The following ELOVL6 variants were observed in gnomAD, a reference collection of about 807,000 sequenced individuals.
The protein encoded by ELOVL6 is ELOVL fatty acid elongase 6.
Under a neutral mutation model 31.7 loss-of-function variants are expected in ELOVL6, and 8 were observed. The observed-to-expected ratio is 0.25, with a 90% CI of 0.15 to 0.45. The LOEUF is 0.45. Among genes scored for constraint, ELOVL6 ranks in the 20% least tolerant of loss-of-function variants. The probability of loss-of-function intolerance (pLI) is 1.00; values close to 1 mark genes in which losing one functional copy is unlikely to be tolerated. For missense variants in ELOVL6, 126 were observed against 326.4 expected, an observed-to-expected ratio of 0.39 and a Z score of 4.73; for synonymous variants, 101 against 117.7, an observed-to-expected ratio of 0.86 and a Z score of 0.92.
chr4:110,152,398 C>T (rs1406956398), intron 1 of ELOVL6, among the ~76,000 whole-genome samples: 2 of 152,112 alleles, frequency 1.3e-5, no homozygotes, highest in Non-Finnish European at 2.9e-5. Context: ...ATTATAAAAC[C>T]TTTACTTTCC....
chr4:110,191,097 G>A (rs1578292496), intron 1 of ELOVL6, among the ~76,000 whole-genome samples: 1 of 152,118 alleles, frequency 6.6e-6, no homozygotes, highest in East Asian at 1.9e-4. Context: ...GGGATTACAG[G>A]TGTGAGCCAC....
chr4:110,076,281 T>C (rs1315822632), intron 2 of ELOVL6, among the ~76,000 whole-genome samples: 2 of 152,144 alleles, frequency 1.3e-5, no homozygotes, highest in African/African-American at 4.8e-5. Flanking sequence ...CAGACAAAAT[T>C]ATATGAAGCA....
intron 2 of ELOVL6, among the ~76,000 whole-genome samples, chr4:110,078,453 G>T (rs1046452842): frequency 2.0e-5 from 3 of 152,180 alleles, no homozygotes; most frequent in Non-Finnish European, 2.9e-5. Flanking sequence ...TTAAAGAAAA[G>T]AATTTTCAAC....
At chr4:110,126,935 G>A (rs550394031) in intron 1 of ELOVL6, among the ~76,000 whole-genome samples, 2 of 151,198 alleles carry the variant, frequency 1.3e-5, no homozygotes, top group Admixed American at 1.3e-4. Flanking sequence ...AAAATTAATT[G>A]TATCCTACAA....
At position 110,164,757 on chromosome 4, in the gene ELOVL6, A is replaced by AG. The variant is rs1491382566; in HGVS notation, c.89+33489_89+33490insC. Reference sequence around the variant, plus strand: ...CTGTCTCAAAAAAAAAAAAAAAAAGAAAAAAAAAAAAACACTCAGGTTGGA... The same window carrying AG: ...CTGTCTCAAAAAAAAAAAAAAAAAGAGAAAAAAAAAAAACACTCAGGTTGGA... On this transcript the variant is annotated intron_variant, in intron 1 of 3. Coordinates refer to ENST00000302274, the MANE Select transcript of ELOVL6 (RefSeq NM_024090.3). Among the ~76,000 whole-genome samples, 575 of 121,042 alleles carry AG rather than the reference A, an allele frequency of 4.8e-3. 10 individuals are homozygous for AG. Among genetic ancestry groups the AG allele is most frequent in the African/African-American group, 0.019 (528 of 27,416 alleles). The allele number at this position is 121,042 out of a possible 152,430, so 79.4% of individuals were successfully genotyped here.
chr4:110,128,047 A>C (rs1033159030), intron 1 of ELOVL6, among the ~76,000 whole-genome samples: 5 of 152,062 alleles, frequency 3.3e-5, no homozygotes, highest in African/African-American at 1.2e-4. Context: ...GTCTCAAAAA[A>C]AAAAAAAAAG....
rs1754742881 is a variant in ELOVL6, at chr4:110,047,996, A to G, written c.*3342T>C. 6.6e-6 allele frequency: 1 copy of G among 151,936 alleles called. No individual in the cohort carries two copies. Among genetic ancestry groups the G allele is most frequent in the Non-Finnish European group, 1.5e-5 (1 of 68,012 alleles). 9.4% of individuals were successfully genotyped at this position (151,936 alleles called of 1,614,324 possible). On this transcript the variant is annotated 3_prime_UTR_variant, in exon 4 of 4. Coordinates refer to ENST00000302274, the MANE Select transcript of ELOVL6 (RefSeq NM_024090.3). ...AATTCTACAAAACCCACTCATATGAAGTTTCTAACTCAGTCTAGACATATT... is the reference window on the plus strand; with the variant it reads ...AATTCTACAAAACCCACTCATATGAGGTTTCTAACTCAGTCTAGACATATT...
rs1386715075 is a variant in ELOVL6, at chr4:110,160,992, C to A, written c.89+37255G>T. Among the ~76,000 whole-genome samples, 4 of 152,178 alleles carry A rather than the reference C, an allele frequency of 2.6e-5. 1 individual carries two copies. The highest frequency in any genetic ancestry group is 4.1e-4 in the South Asian group (2 of 4,826). On this transcript the variant is annotated intron_variant, in intron 1 of 3. Transcript: ENST00000302274. Reference sequence around the variant, plus strand: ...ATAGAATTCAAGTCATTATCCAGTACAATTAGCAATGGATGCTGCTACATG... The same window carrying A: ...ATAGAATTCAAGTCATTATCCAGTAAAATTAGCAATGGATGCTGCTACATG...
In ELOVL6 at chr4:110,083,962, T is replaced by C. The variant is rs1287788662; in HGVS notation, c.221+21535A>G. On this transcript the variant is annotated intron_variant, in intron 2 of 3. Coordinates refer to ENST00000302274, the MANE Select transcript of ELOVL6 (RefSeq NM_024090.3). Reference sequence around the variant, plus strand: ...TATATATAACATGTTATATATGATATATATGATATAACATATGCCATATAC... The same window carrying C: ...TATATATAACATGTTATATATGATACATATGATATAACATATGCCATATAC... Among the ~76,000 whole-genome samples the C allele has an allele frequency of 3.8e-5, 4 of 104,088 alleles. 1 individual carries two copies. Among genetic ancestry groups the C allele is most frequent in the African/African-American group, 2.0e-4 (4 of 19,982 alleles). The allele number at this position is 104,088 out of a possible 152,430, so 68.3% of individuals were successfully genotyped here. A position where few individuals can be genotyped will look rare whatever the true frequency, so the allele number is the denominator to read the frequency against.
At chr4:110,092,035 C>T (rs1756441835) in intron 2 of ELOVL6, among the ~76,000 whole-genome samples, 1 of 152,148 alleles carries the variant, frequency 6.6e-6, no homozygotes, top group South Asian at 2.1e-4. Context: ...AAGAAGGGAT[C>T]AAACAGTCAG....
In ELOVL6 at chr4:110,196,098, C is replaced by A. The variant is rs114433532; in HGVS notation, c.89+2149G>T. 7.6e-3 allele frequency among the ~76,000 whole-genome samples: 1,157 copies of A among 152,174 alleles called. 21 individuals carry two copies. The highest frequency in any genetic ancestry group is 0.027 in the African/African-American group (1,109 of 41,508). Reference sequence around the variant, plus strand: ...GGCGGGAAATGGTACCTGAAGCAGGCCTAGGAAGTGGCCTCAGAGAAAAAG... The same window carrying A: ...GGCGGGAAATGGTACCTGAAGCAGGACTAGGAAGTGGCCTCAGAGAAAAAG... On this transcript the variant is annotated intron_variant, in intron 1 of 3. Coordinates refer to ENST00000302274, the MANE Select transcript of ELOVL6 (RefSeq NM_024090.3).
chr4:110,082,107 A>G (rs556736021), intron 2 of ELOVL6, among the ~76,000 whole-genome samples: 1 of 148,186 alleles, frequency 6.7e-6, no homozygotes, highest in East Asian at 1.9e-4. Flanking sequence ...GGTGCTGGAG[A>G]GGATGTGGAG....
intron 1 of ELOVL6, among the ~76,000 whole-genome samples, chr4:110,182,502 T>C (rs1759316606): frequency 6.6e-6 from 1 of 152,244 alleles, no homozygotes; most frequent in Non-Finnish European, 1.5e-5. Context: ...ATGAAACTTA[T>C]CTTAAAACAT....
intron 1 of ELOVL6, among the ~76,000 whole-genome samples, chr4:110,144,447 TC>T (rs911520963): frequency 3.3e-5 from 5 of 152,240 alleles, no homozygotes; most frequent in African/African-American, 1.2e-4. Context: ...TTTGCTTAGC[TC>T]CTTTTTTCAT....
At chr4:110,187,247 A>AGGT (rs1759476532) in intron 1 of ELOVL6, among the ~76,000 whole-genome samples, 1 of 151,858 alleles carries the variant, frequency 6.6e-6, no homozygotes, top group South Asian at 2.1e-4. Context: ...CACAATTAAG[A>AGGT]GGTCCTTTGA....
intron 2 of ELOVL6, 90 bp from the exon 3 acceptor site, chr4:110,059,844 G>A (rs1755091236): frequency 9.2e-7 from 1 of 1,084,814 alleles, no homozygotes; most frequent in Non-Finnish European, 1.3e-6. Context: ...TTGGCCACTG[G>A]CAGGAAATAG....
At position 110,138,995 on chromosome 4, in the gene ELOVL6, ATG is replaced by A. The variant is rs1309602141; in HGVS notation, c.90-33369_90-33368del. Among the ~76,000 whole-genome samples, 41 of 152,260 alleles carry A rather than the reference ATG, an allele frequency of 2.7e-4. 1 individual carries two copies. The East Asian group carries it at 5.0e-3, about 19-fold the overall frequency. On this transcript the variant is annotated intron_variant, in intron 1 of 3. Transcript: ENST00000302274. ...GATACATCAGTGGATAGATATAGAT[ATG>A]TGTCTCTGGTATAGAAAAAAGTTTT...
chr4:110,160,113 A>AC (rs1758589568), intron 1 of ELOVL6, among the ~76,000 whole-genome samples: 3 of 149,314 alleles, frequency 2.0e-5, no homozygotes, highest in African/African-American at 7.4e-5. Flanking sequence ...CACACACACA[A>AC]ACACACACAC....
intron 1 of ELOVL6, among the ~76,000 whole-genome samples, chr4:110,179,875 G>C (rs1026038982): frequency 6.6e-6 from 1 of 152,168 alleles, no homozygotes; most frequent in Admixed American, 6.5e-5. Flanking sequence ...ACAACCATTA[G>C]CACCTAATTT....
Sources: gnomAD v4.1 joint callset for allele counts (sites outside exome capture counted in the v4.1 genomes callset) on GRCh38, gnomAD v4.1.1 for gene constraint, MANE v1.5 for transcripts, NCBI Gene and HGNC (gene_info 2026-07-23, HGNC 2026-07-21) for gene names.